The following PGM3 variants were observed in gnomAD, a reference collection of about 807,000 sequenced individuals.
PGM3 encodes phosphoglucomutase 3.
PGM3 carries 40 observed loss-of-function variants against 66.2 expected under a neutral mutation model. The observed-to-expected ratio is 0.60, with a 90% CI of 0.47 to 0.79. The LOEUF (loss-of-function observed/expected upper bound fraction) is 0.79. Ranked by LOEUF, PGM3 falls within the 30% of genes least tolerant of loss-of-function variation. The pLI, the probability that PGM3 is intolerant of heterozygous loss-of-function variation, is 0.00. For synonymous variants in PGM3, 191 were observed against 224.2 expected, an observed-to-expected ratio of 0.85 and a Z score of 1.32; for missense variants, 537 against 643.4, an observed-to-expected ratio of 0.83 and a Z score of 1.79.
chr6:83,172,632 G>A (rs1006510595), intron 10 of PGM3, among the ~76,000 whole-genome samples: 61 of 151,842 alleles, frequency 4.0e-4, no homozygotes, highest in African/African-American at 1.4e-3. Context: ...GCACTCCAGC[G>A]TGGGCAACAG....
chr6:83,152,044 T>C, the PGM3 span: 1 of 1,613,536 alleles, frequency 6.2e-7, no homozygotes, highest in Non-Finnish European at 8.5e-7. Context: ...TTGTCAAACA[T>C]TTAGGTTTAT....
intron 12 of PGM3, 131 bp downstream of exon 12, chr6:83,170,174 T>C: frequency 2.6e-6 from 2 of 758,502 alleles, no homozygotes; most frequent in Non-Finnish European, 4.2e-6. Context: ...TTTGTAGTCT[T>C]AATGTGAACC....
rs1785487836 is a variant in PGM3, at chr6:83,166,173, C to T, written c.*3061G>A. The T allele has an allele frequency of 8.0e-6, 4 of 502,608 alleles. No individual in the cohort carries two copies. In the Admixed American group the frequency reaches 1.4e-4, roughly 18 times the overall value. The allele number at this position is 502,608 out of a possible 1,614,324, so 31.1% of individuals were successfully genotyped here. ...TTTATTTTTCACTCAGCTCATGAGGCACCCATTTATTGAGCTTTTTCACCT... is the reference window on the plus strand; with the variant it reads ...TTTATTTTTCACTCAGCTCATGAGGTACCCATTTATTGAGCTTTTTCACCT... On this transcript the variant is annotated 3_prime_UTR_variant, in exon 13 of 13. Transcript: ENST00000513973.
Position 83,190,844 on chromosome 6 carries a change from T to C in PGM3, c.169A>G (p.Ile57Val), listed in dbSNP as rs778562800. 4.0e-5 allele frequency: 64 copies of C among 1,613,928 alleles called. No homozygotes were observed. In the East Asian group the frequency reaches 6.5e-4, roughly 16 times the overall value. The change falls in exon 2 of 13, where the codon ATA (isoleucine) becomes GTA (valine). Residue 57 changes from isoleucine to valine, a missense_variant. Transcript: ENST00000513973. ...VLRSKQTKSTIGVMVTASHNP... is the reference protein window; with the variant it reads ...VLRSKQTKSTVGVMVTASHNP... Reference sequence around the variant, plus strand: ...TGGGACGCTGTTACCATGACTCCTATAGTGGATTTTGTCTGTTTTGACCTC... The same window carrying C: ...TGGGACGCTGTTACCATGACTCCTACAGTGGATTTTGTCTGTTTTGACCTC...
rs948627125 is a variant in PGM3, at chr6:83,188,937, T to C, written c.205-139A>G. ...AACAATAAACACCAAATATTAATAC[T>C]GGACCCTGGATTAGGTATTTTATGT... On this transcript the variant is annotated intron_variant, in intron 2 of 12. Transcript: ENST00000513973. 7 of 618,066 alleles carry C rather than the reference T, an allele frequency of 1.1e-5. No individual in the cohort carries two copies. The African/African-American group carries it at 1.3e-4, about 11-fold the overall frequency. The allele number at this position is 618,066 out of a possible 1,614,324, so 38.3% of individuals were successfully genotyped here. A position where few individuals can be genotyped will look rare whatever the true frequency, so the allele number is the denominator to read the frequency against.
chr6:83,185,924 T>C (rs530722081), intron 4 of PGM3, among the ~76,000 whole-genome samples: 3 of 152,056 alleles, frequency 2.0e-5, no homozygotes, highest in South Asian at 2.1e-4. Context: ...AGAAGACCAA[T>C]ATGGAATAGT....
Position 83,173,388 on chromosome 6 carries a change from T to TAACA in PGM3, c.1242+982_1242+985dup, listed in dbSNP as rs565023073. ...GACTGGATAACTCTAAGGCTCAGCC[T>TAACA]AACATTCCATCACTCATTTTTCTTT... On this transcript the variant is annotated intron_variant, in intron 10 of 12. Coordinates refer to ENST00000513973, the MANE Select transcript of PGM3 (RefSeq NM_015599.3). 2.5e-3 allele frequency among the ~76,000 whole-genome samples: 380 copies of TAACA among 152,346 alleles called. 2 individuals are homozygous for TAACA. The highest frequency in any genetic ancestry group is 8.5e-3 in the African/African-American group (353 of 41,580).
chr6:83,185,865 G>C (rs1016662440), intron 4 of PGM3, among the ~76,000 whole-genome samples: 3 of 152,128 alleles, frequency 2.0e-5, no homozygotes, highest in African/African-American at 4.8e-5. Flanking sequence ...GAATGAAAGA[G>C]GGTCCCGAGG....
chr6:83,182,446 G>A (rs1788244393), intron 5 of PGM3, among the ~76,000 whole-genome samples: 2 of 152,086 alleles, frequency 1.3e-5, no homozygotes, highest in East Asian at 1.9e-4. Context: ...TTGATCAAAC[G>A]AATTATACTT....
chr6:83,182,029 G>T, intron 5 of PGM3, 98 bp from the exon 6 acceptor site: 1 of 589,952 alleles, frequency 1.7e-6, no homozygotes, highest in Non-Finnish European at 2.7e-6. Context: ...TAAATATTTA[G>T]TTAACTCATT....
chr6:83,169,506 G>A lies in PGM3; in HGVS notation c.1540-183C>T, dbSNP rs73749725. The A allele has an allele frequency of 3.8e-3, 2,466 of 651,156 alleles. 56 individuals carry two copies. In the African/African-American group the frequency reaches 0.04, roughly 11 times the overall value. 40.3% of individuals were successfully genotyped at this position (651,156 alleles called of 1,614,324 possible). On this transcript the variant is annotated intron_variant, in intron 12 of 12. Transcript: ENST00000513973. Reference sequence around the variant, plus strand: ...CAAATTCCAAAGCCCTTAAATAAACGGAAAACAGACCAAATTCTTCTAAAT... The same window carrying A: ...CAAATTCCAAAGCCCTTAAATAAACAGAAAACAGACCAAATTCTTCTAAAT...
chr6:83,188,455 C>T, intron 3 of PGM3, 159 bp downstream of exon 3: 2 of 597,276 alleles, frequency 3.3e-6, no homozygotes, highest in Non-Finnish European at 5.9e-6. Context: ...GCAGTAGTGA[C>T]TTAGCTACTA....
intron 1 of PGM3, chr6:83,192,969 C>T (rs1789263370): frequency 6.6e-6 from 1 of 152,312 alleles, no homozygotes; most frequent in Non-Finnish European, 1.5e-5. Context: ...TACCAGAGCC[C>T]CGGCAGGAGA....
upstream of PGM3, chr6:83,193,271 T>A (rs537289779): frequency 1.3e-5 from 2 of 152,304 alleles, no homozygotes; most frequent in African/African-American, 4.8e-5. Context: ...ACCGCAGACG[T>A]GGCCCTGCGT....
intron 3 of PGM3, among the ~76,000 whole-genome samples, chr6:83,187,608 A>G (rs1169379597): frequency 6.6e-6 from 1 of 152,186 alleles, no homozygotes; most frequent in Non-Finnish European, 1.5e-5. Context: ...GATTGAGACC[A>G]TCCTGGCCAA....
chr6:83,162,702 T>G, downstream of PGM3: 1 of 1,407,906 alleles, frequency 7.1e-7, no homozygotes. Flanking sequence ...AGCAGTGGGG[T>G]CATGATCTTT....
At chr6:83,183,100 G>C in intron 4 of PGM3, 122 bp from the exon 5 acceptor site, 1 of 840,292 alleles carries the variant, frequency 1.2e-6, no homozygotes, top group Non-Finnish European at 1.8e-6. Flanking sequence ...AGACATCTTA[G>C]AAAACATAAA....
downstream of PGM3, chr6:83,159,985 T>A: frequency 6.2e-7 from 1 of 1,609,802 alleles, no homozygotes; most frequent in Non-Finnish European, 8.5e-7. Flanking sequence ...GGATATTAAA[T>A]GGTTATTTTT....
chr6:83,176,087 C>T, intron 8 of PGM3, 27 bp from the exon 9 acceptor site: 2 of 1,212,924 alleles, frequency 1.6e-6, no homozygotes, highest in Non-Finnish European at 2.5e-6. Flanking sequence ...TAAAGAAATA[C>T]AGCAATTACT....
Sources: gnomAD v4.1 joint callset for allele counts (sites outside exome capture counted in the v4.1 genomes callset) on GRCh38, gnomAD v4.1.1 for gene constraint, MANE v1.5 for transcripts, NCBI Gene and HGNC (gene_info 2026-07-23, HGNC 2026-07-21) for gene names.